The following ADK variants were observed in gnomAD, a reference collection of about 807,000 sequenced individuals.
The protein encoded by ADK is adenosine kinase.
In ADK, 24 loss-of-function variants were observed where a neutral mutation model predicts 44.7. The ratio of observed to expected loss-of-function variants is 0.54; its 90% CI spans 0.39 to 0.76. ADK has a LOEUF of 0.76. Ranked by LOEUF, ADK falls within the 30% of genes least tolerant of loss-of-function variation. The probability of loss-of-function intolerance (pLI) is 0.00; values close to 1 mark genes in which losing one functional copy is unlikely to be tolerated. For synonymous variants in ADK, 128 were observed against 142.6 expected (o/e 0.90, Z 0.73); for missense variants, 321 against 425.1 (o/e 0.76, Z 2.15).
intron 6 of ADK, among the ~76,000 whole-genome samples, chr10:74,432,463 T>G (rs1408029067): frequency 6.6e-6 from 1 of 152,230 alleles, no homozygotes; most frequent in Non-Finnish European, 1.5e-5. Context: ...TTTAGATAAA[T>G]TTAGCACTGC....
chr10:74,661,607 C>T (rs1465191262), intron 9 of ADK, among the ~76,000 whole-genome samples: 1 of 152,144 alleles, frequency 6.6e-6, no homozygotes, highest in Non-Finnish European at 1.5e-5. Flanking sequence ...TAGATCCCAC[C>T]CATCTTGATT....
intron 9 of ADK, among the ~76,000 whole-genome samples, chr10:74,647,340 T>A (rs893135237): frequency 1.3e-5 from 2 of 152,126 alleles, no homozygotes; most frequent in African/African-American, 2.4e-5. Flanking sequence ...CTTAATATGA[T>A]AGTTAATCTA....
chr10:74,479,611 C>T (rs1238017671), intron 6 of ADK, among the ~76,000 whole-genome samples: 1 of 151,796 alleles, frequency 6.6e-6, no homozygotes, highest in Non-Finnish European at 1.5e-5. Context: ...TACTGTTTTT[C>T]TGTGTGATTT....
At chr10:74,304,878 T>C (rs1032187899) in intron 3 of ADK, among the ~76,000 whole-genome samples, 5 of 152,198 alleles carry the variant, frequency 3.3e-5, no homozygotes, top group Non-Finnish European at 7.3e-5. Context: ...AAATAGTCTT[T>C]AATGCTGTGT....
chr10:74,189,764 C>T (rs1189778503), intron 1 of ADK, among the ~76,000 whole-genome samples: 3 of 152,170 alleles, frequency 2.0e-5, no homozygotes, highest in Admixed American at 2.0e-4. Context: ...GTCTCCCTAA[C>T]CTCTAACCCC....
chr10:74,356,149 G>C (rs527915294), intron 4 of ADK, among the ~76,000 whole-genome samples: 1 of 150,330 alleles, frequency 6.7e-6, no homozygotes, highest in South Asian at 2.1e-4. Flanking sequence ...CTCCCGAGTA[G>C]CTGGGACTAC....
intron 6 of ADK, among the ~76,000 whole-genome samples, chr10:74,504,804 C>T (rs564261798): frequency 3.9e-5 from 6 of 152,196 alleles, no homozygotes; most frequent in Admixed American, 2.6e-4. Context: ...TGCCCTCTCT[C>T]GCCTGCTGCC....
chr10:74,677,263 A>G (rs1855425827), intron 10 of ADK, among the ~76,000 whole-genome samples: 2 of 152,144 alleles, frequency 1.3e-5, no homozygotes, highest in South Asian at 4.1e-4. Context: ...ACAAAAAACA[A>G]TTTCATTCTC....
At chr10:74,490,989 G>T (rs1009592931) in intron 6 of ADK, among the ~76,000 whole-genome samples, 1 of 151,820 alleles carries the variant, frequency 6.6e-6, no homozygotes. Context: ...TTCTCTCTGG[G>T]GTTTAATGTG....
chr10:74,242,150 T>C (rs1845233665), intron 3 of ADK, among the ~76,000 whole-genome samples: 1 of 152,258 alleles, frequency 6.6e-6, no homozygotes, highest in East Asian at 1.9e-4. Context: ...TGAACTTTGC[T>C]TTAACTCTTT....
intron 10 of ADK, among the ~76,000 whole-genome samples, chr10:74,694,917 C>A (rs117581476): frequency 2.0e-5 from 3 of 151,472 alleles, no homozygotes; most frequent in Non-Finnish European, 2.9e-5. Context: ...TACTATTTTT[C>A]CATTTACATT....
intron 4 of ADK, among the ~76,000 whole-genome samples, chr10:74,357,951 G>A (rs909873343): frequency 6.6e-6 from 1 of 152,100 alleles, no homozygotes; most frequent in African/African-American, 2.4e-5. Flanking sequence ...AAATAAAAGT[G>A]TAATGACCTT....
At chr10:74,381,064 A>G (rs1466564894) in intron 4 of ADK, among the ~76,000 whole-genome samples, 4 of 152,194 alleles carry the variant, frequency 2.6e-5, no homozygotes, top group Non-Finnish European at 4.4e-5. Context: ...TTTTCAGTGT[A>G]TGGGACTGAT....
At chr10:74,459,275 C>T (rs1846069287) in intron 6 of ADK, among the ~76,000 whole-genome samples, 1 of 144,704 alleles carries the variant, frequency 6.9e-6, no homozygotes, top group African/African-American at 2.6e-5. Flanking sequence ...AACGAGACCT[C>T]ATCTCAAAAA....
rs1487923738 is a variant in ADK, at chr10:74,186,234, TCCCTTC to T, written c.66-14522_66-14517del. On this transcript the variant is annotated intron_variant, in intron 1 of 10. Coordinates refer to ENST00000539909, the MANE Select transcript of ADK (RefSeq NM_006721.4). ...TCCCTTCCTTTCCCTTCCCCTCCTTTCCCTTCCCCTTCCGCCTTTCCCCTTTCCCTT... is the reference window on the plus strand; with the variant it reads ...TCCCTTCCTTTCCCTTCCCCTCCTTTCCCTTCCGCCTTTCCCCTTTCCCTT... 8.2e-4 allele frequency among the ~76,000 whole-genome samples: 91 copies of T among 110,732 alleles called. 1 individual carries two copies. In the East Asian group the frequency reaches 0.021, roughly 25 times the overall value. 72.6% of individuals were successfully genotyped at this position (110,732 alleles called of 152,430 possible).
intron 9 of ADK, 123 bp downstream of exon 9, chr10:74,600,616 T>C (rs1480919986): frequency 3.4e-6 from 1 of 296,362 alleles, no homozygotes; most frequent in Non-Finnish European, 6.2e-6. Flanking sequence ...TAAAATGAAA[T>C]ATTTTATTTT....
intron 7 of ADK, among the ~76,000 whole-genome samples, chr10:74,564,736 A>G (rs1325991865): frequency 6.6e-6 from 1 of 152,162 alleles, no homozygotes; most frequent in Non-Finnish European, 1.5e-5. Flanking sequence ...CTTAAATGAA[A>G]TAATCCAATT....
At chr10:74,609,608 C>T (rs1029864144) in intron 9 of ADK, among the ~76,000 whole-genome samples, 2 of 152,132 alleles carry the variant, frequency 1.3e-5, no homozygotes, top group African/African-American at 4.8e-5. Context: ...CCAGGACTCT[C>T]AGTTGGAAAT....
At chr10:74,435,753 T>C (rs1419371606) in intron 6 of ADK, among the ~76,000 whole-genome samples, 1 of 152,058 alleles carries the variant, frequency 6.6e-6, no homozygotes, top group South Asian at 2.1e-4. Context: ...CAGAAGGTAA[T>C]GAGATAACAT....
Sources: gnomAD v4.1 joint callset for allele counts (sites outside exome capture counted in the v4.1 genomes callset) on GRCh38, gnomAD v4.1.1 for gene constraint, MANE v1.5 for transcripts, NCBI Gene and HGNC (gene_info 2026-07-23, HGNC 2026-07-21) for gene names.